TTLL7: variants seen among roughly 807,000 people sequenced by gnomAD.
TTLL7 encodes the protein tubulin polyglutamylase TTLL7.
TTLL7 carries 53 observed loss-of-function variants against 120.2 expected under a neutral mutation model. The observed-to-expected ratio is 0.44, with a 90% CI of 0.35 to 0.55. TTLL7 has a LOEUF of 0.55. TTLL7 is among the 20% of genes least tolerant of loss of function. The pLI is 0.00. For synonymous variants in TTLL7, 353 were observed against 351.7 expected, an observed-to-expected ratio of 1.00 and a Z score of -0.04; for missense variants, 803 against 1,054.7, an observed-to-expected ratio of 0.76 and a Z score of 3.31.
At position 83,917,705 on chromosome 1, in the gene TTLL7, C is replaced by T. The variant is rs556159608; in HGVS notation, c.1501-15G>A. ...ATATCTTCTTCCTTCAAAAAATATTCTAATTAAAATTACAACCACTAATGG... is the reference window on the plus strand; with the variant it reads ...ATATCTTCTTCCTTCAAAAAATATTTTAATTAAAATTACAACCACTAATGG... On this transcript the variant is annotated splice_polypyrimidine_tract_variant and intron_variant, in intron 13 of 20. Transcript: ENST00000260505. 21 of 1,577,442 alleles carry T rather than the reference C, an allele frequency of 1.3e-5. No homozygotes were observed. The South Asian group carries it at 2.2e-4, about 17-fold the overall frequency.
At chr1:83,974,421 T>C (rs917155424) in intron 1 of TTLL7, among the ~76,000 whole-genome samples, 46 of 152,020 alleles carry the variant, frequency 3.0e-4, no homozygotes, top group African/African-American at 1.1e-3. Context: ...AAGCCATTAT[T>C]ATGAAAAAAT....
intron 19 of TTLL7, among the ~76,000 whole-genome samples, chr1:83,888,731 T>C (rs1248872468): frequency 6.6e-6 from 1 of 151,750 alleles, no homozygotes; most frequent in Non-Finnish European, 1.5e-5. Context: ...TGGAGCACAA[T>C]TCAAGTAGGA....
intron 1 of TTLL7, among the ~76,000 whole-genome samples, chr1:83,988,467 T>C (rs1652684991): frequency 6.6e-6 from 1 of 152,220 alleles, no homozygotes; most frequent in Admixed American, 6.5e-5. Flanking sequence ...CTGAACTGCT[T>C]TCCACAGTGA....
chr1:83,950,021 A>G (rs1377085431), intron 3 of TTLL7, 35 bp from the exon 4 acceptor site: 2 of 1,545,612 alleles, frequency 1.3e-6, no homozygotes, highest in East Asian at 2.3e-5. Context: ...CCAAAATTAA[A>G]ATACTTCTGA....
intron 1 of TTLL7, among the ~76,000 whole-genome samples, chr1:83,994,690 G>A (rs995617023): frequency 6.6e-6 from 1 of 152,174 alleles, no homozygotes; most frequent in Non-Finnish European, 1.5e-5. Flanking sequence ...GGTCTTTAAT[G>A]TCTGTCAACT....
intron 1 of TTLL7, among the ~76,000 whole-genome samples, chr1:83,959,555 A>G (rs1430678579): frequency 6.6e-6 from 1 of 152,206 alleles, no homozygotes; most frequent in African/African-American, 2.4e-5. Flanking sequence ...AGTGGGATGA[A>G]GTTTGCTAAT....
At chr1:83,876,858 G>A (rs1232802124) in intron 20 of TTLL7, among the ~76,000 whole-genome samples, 1 of 151,824 alleles carries the variant, frequency 6.6e-6, no homozygotes, top group African/African-American at 2.4e-5. Context: ...TCCACTTACT[G>A]AGTTTAGTTC....
At chr1:83,992,791 C>CTTTT (rs367737528) in intron 1 of TTLL7, among the ~76,000 whole-genome samples, 218 of 101,430 alleles carry the variant, frequency 2.1e-3, no homozygotes, top group Middle Eastern at 7.4e-3. Flanking sequence ...TATTCAAGTT[C>CTTTT]TTTTTTTTTT....
At chr1:83,967,683 T>G (rs1174424907) in intron 1 of TTLL7, among the ~76,000 whole-genome samples, 2 of 152,088 alleles carry the variant, frequency 1.3e-5, no homozygotes, top group Non-Finnish European at 2.9e-5. Context: ...TCTAAAATTC[T>G]AAAATTTTTG....
chr1:83,919,906 T>A (rs771882216), intron 12 of TTLL7, 72 bp from the exon 13 acceptor site: 2 of 1,441,196 alleles, frequency 1.4e-6, no homozygotes, highest in African/African-American at 1.4e-5. Flanking sequence ...ATCAACTCCA[T>A]AGACAATCCT....
intron 17 of TTLL7, 143 bp downstream of exon 17, chr1:83,906,186 C>A: frequency 1.5e-6 from 1 of 676,208 alleles, no homozygotes. Flanking sequence ...CCTGTATTTT[C>A]TAAAGCTAGT....
At chr1:83,883,668 G>A (rs1430959015) in intron 19 of TTLL7, among the ~76,000 whole-genome samples, 3 of 152,010 alleles carry the variant, frequency 2.0e-5, no homozygotes, top group Non-Finnish European at 4.4e-5. Context: ...GTAAAATACT[G>A]AGCTAATTTC....
chr1:83,974,390 T>A (rs898917686), intron 1 of TTLL7, among the ~76,000 whole-genome samples: 2 of 152,002 alleles, frequency 1.3e-5, no homozygotes, highest in African/African-American at 4.8e-5. Flanking sequence ...AAATAAATCA[T>A]TCTTTAAAAT....
At chr1:83,976,041 G>C (rs879614801) in intron 1 of TTLL7, among the ~76,000 whole-genome samples, 1,947 of 23,306 alleles carry the variant, frequency 0.084, 18 homozygotes, top group East Asian at 0.3. Context: ...CTCTGTGTGT[G>C]TGTGTGTGTG....
chr1:83,907,576 T>C lies in TTLL7; in HGVS notation c.1872A>G (p.Gln624=), dbSNP rs760536593. 1 of 1,613,336 alleles carries C rather than the reference T, an allele frequency of 6.2e-7. No individual in the cohort carries two copies. The highest frequency in any genetic ancestry group is 1.1e-5 in the South Asian group (1 of 91,082). The change falls in exon 16 of 21, where the codon CAA becomes CAG. Residue 624 remains glutamine (Q), a synonymous_variant. Transcript: ENST00000260505. ...TTGGCCGTGACACAGATATCATTTG[T>C]TGAGCAGAAAATGGGCGGGTGTCCC... is the stretch of plus-strand genomic sequence containing the variant. ...SSGDTRPFSA[Q]QMISVSRPTS...
At chr1:83,917,845 C>T in intron 13 of TTLL7, 155 bp from the exon 14 acceptor site, 1 of 603,276 alleles carries the variant, frequency 1.7e-6, no homozygotes, top group South Asian at 2.1e-5. Flanking sequence ...AGGGTCACAG[C>T]AAATTCTCTT....
At chr1:83,937,336 G>A (rs72936281) in intron 8 of TTLL7, among the ~76,000 whole-genome samples, 1,579 of 151,932 alleles carry the variant, frequency 0.01, 30 homozygotes, top group African/African-American at 0.036. Context: ...CGAGTAGCTG[G>A]GATTACAGGA....
At chr1:83,904,900 T>C (rs1657051048) in intron 17 of TTLL7, among the ~76,000 whole-genome samples, 1 of 152,056 alleles carries the variant, frequency 6.6e-6, no homozygotes, top group Admixed American at 6.6e-5. Context: ...ATTTACCACA[T>C]GTAGTGAACA....
chr1:83,982,703 A>C (rs926605549), intron 1 of TTLL7, among the ~76,000 whole-genome samples: 1 of 152,228 alleles, frequency 6.6e-6, no homozygotes, highest in Non-Finnish European at 1.5e-5. Context: ...AAAGAATCAG[A>C]ATCATTTAAA....
Sources: allele counts gnomAD v4.1 joint callset (sites outside exome capture counted in the v4.1 genomes callset), GRCh38; gene constraint gnomAD v4.1.1; transcripts MANE v1.5; gene names NCBI Gene and HGNC (gene_info 2026-07-23, HGNC 2026-07-21).